Variants in EDIL3 observed in about 807,000 individuals in gnomAD.
The protein encoded by EDIL3 is EGF like and discoidin domains 3, also known as EGF-like repeat and discoidin I-like domain-containing protein 3.
Under a neutral mutation model 67.4 loss-of-function variants are expected in EDIL3, and 37 were observed. That is an observed-to-expected ratio of 0.55 (90% CI 0.42 to 0.72). EDIL3 has a LOEUF of 0.72. Ranked by LOEUF, EDIL3 falls within the 30% of genes least tolerant of loss-of-function variation. The pLI is 0.00. For missense variants in EDIL3, 527 were observed against 586.3 expected, an observed-to-expected ratio of 0.90 and a Z score of 1.04; for synonymous variants, 195 against 196.3, an observed-to-expected ratio of 0.99 and a Z score of 0.05.
At chr5:84,064,275 G>C (rs1746594493) in intron 8 of EDIL3, among the ~76,000 whole-genome samples, 1 of 152,116 alleles carries the variant, frequency 6.6e-6, no homozygotes, top group South Asian at 2.1e-4. Flanking sequence ...TCTTATGATA[G>C]ATGGACAAAG....
At chr5:84,340,925 T>C (rs1747098159) in intron 1 of EDIL3, among the ~76,000 whole-genome samples, 1 of 151,774 alleles carries the variant, frequency 6.6e-6, no homozygotes, top group Non-Finnish European at 1.5e-5. Context: ...TCAACTCCAA[T>C]CCAAACTCCT....
At chr5:84,229,167 C>T (rs1484339856) in intron 3 of EDIL3, among the ~76,000 whole-genome samples, 1 of 151,948 alleles carries the variant, frequency 6.6e-6, no homozygotes, top group African/African-American at 2.4e-5. Context: ...TCTTTAGTCT[C>T]TCTGGCATTT....
At chr5:84,314,298 T>G (rs1299946950) in intron 1 of EDIL3, among the ~76,000 whole-genome samples, 1 of 152,158 alleles carries the variant, frequency 6.6e-6, no homozygotes, top group Non-Finnish European at 1.5e-5. Flanking sequence ...GAGAAGAGGG[T>G]AGGAACAGCA....
chr5:83,998,376 T>C (rs1002378340), intron 9 of EDIL3, among the ~76,000 whole-genome samples: 1 of 152,178 alleles, frequency 6.6e-6, no homozygotes, highest in Admixed American at 6.5e-5. Context: ...GAAGCAGTTC[T>C]GGCAGGATTT....
chr5:84,217,147 A>G (rs1221619128), intron 3 of EDIL3, among the ~76,000 whole-genome samples: 1 of 152,118 alleles, frequency 6.6e-6, no homozygotes. Context: ...AGCCAAAAAA[A>G]AAAAAAAAAA....
intron 4 of EDIL3, among the ~76,000 whole-genome samples, chr5:84,153,699 G>A (rs981287828): frequency 6.6e-6 from 1 of 152,144 alleles, no homozygotes; most frequent in South Asian, 2.1e-4. Context: ...CTGACCTCAG[G>A]AGGTCCACCC....
chr5:84,346,246 C>T (rs911487807), intron 1 of EDIL3, among the ~76,000 whole-genome samples: 1 of 149,208 alleles, frequency 6.7e-6, no homozygotes, highest in Non-Finnish European at 1.5e-5. Flanking sequence ...CGGGTTCAAG[C>T]GATTCCCCTG....
intron 9 of EDIL3, among the ~76,000 whole-genome samples, chr5:83,973,463 T>C (rs1325561262): frequency 6.6e-6 from 1 of 152,046 alleles, no homozygotes; most frequent in East Asian, 1.9e-4. Flanking sequence ...AAAGAGTTTG[T>C]TATTTAGTAT....
intron 2 of EDIL3, among the ~76,000 whole-genome samples, chr5:84,243,783 T>C (rs563925063): frequency 1.4e-3 from 209 of 152,258 alleles, no homozygotes; most frequent in Middle Eastern, 3.4e-3. Flanking sequence ...AAGATAACAA[T>C]AAATATTGAT....
intron 3 of EDIL3, among the ~76,000 whole-genome samples, chr5:84,212,832 A>G (rs1744155997): frequency 6.6e-6 from 1 of 152,142 alleles, no homozygotes; most frequent in Admixed American, 6.5e-5. Context: ...GGTTTCATGG[A>G]GGGAAAGGAA....
At chr5:84,152,797 T>C (rs1485217284) in intron 4 of EDIL3, among the ~76,000 whole-genome samples, 1 of 152,204 alleles carries the variant, frequency 6.6e-6, no homozygotes, top group African/African-American at 2.4e-5. Context: ...CTTCCCAAAC[T>C]ATAATCCATC....
At chr5:84,316,451 G>A (rs528363441) in intron 1 of EDIL3, among the ~76,000 whole-genome samples, 1 of 152,102 alleles carries the variant, frequency 6.6e-6, no homozygotes, top group Non-Finnish European at 1.5e-5. Context: ...AAAAGCGGGG[G>A]TTGCAATCCT....
At chr5:84,215,257 A>AT (rs967418029) in intron 3 of EDIL3, among the ~76,000 whole-genome samples, 54 of 148,132 alleles carry the variant, frequency 3.6e-4, no homozygotes, top group African/African-American at 3.7e-4. Context: ...AGATGAGCAG[A>AT]TTTTTTTTTT....
chr5:84,165,373 C>T (rs748197947), intron 4 of EDIL3, among the ~76,000 whole-genome samples: 4 of 152,104 alleles, frequency 2.6e-5, no homozygotes, highest in Non-Finnish European at 4.4e-5. Context: ...ATCTCATCTA[C>T]GACAAAACCA....
intron 2 of EDIL3, among the ~76,000 whole-genome samples, chr5:84,248,865 T>C (rs1361905206): frequency 6.6e-6 from 1 of 152,208 alleles, no homozygotes; most frequent in African/African-American, 2.4e-5. Context: ...AGTTACCACA[T>C]TGACAGAAGC....
chr5:84,335,865 G>A (rs1693358377), intron 1 of EDIL3, among the ~76,000 whole-genome samples: 1 of 152,180 alleles, frequency 6.6e-6, no homozygotes, highest in Non-Finnish European at 1.5e-5. Flanking sequence ...CCAAGATCAA[G>A]ATGTCAGCAT....
chr5:84,242,272 T>C (rs1170892612), intron 2 of EDIL3, among the ~76,000 whole-genome samples: 1 of 151,824 alleles, frequency 6.6e-6, no homozygotes, highest in East Asian at 1.9e-4. Flanking sequence ...TTGAAGTTGG[T>C]ACTGTTAACC....
At chr5:84,173,735 C>A (rs1354409738) in intron 4 of EDIL3, among the ~76,000 whole-genome samples, 2 of 152,194 alleles carry the variant, frequency 1.3e-5, no homozygotes, top group Non-Finnish European at 2.9e-5. Flanking sequence ...GGAGACGGGG[C>A]CATCCCCCTC....
At chr5:84,260,623 ATATTAATG>A (rs1441908700) in intron 1 of EDIL3, among the ~76,000 whole-genome samples, 2 of 152,180 alleles carry the variant, frequency 1.3e-5, no homozygotes. Context: ...TCTTTCTTAC[ATATTAATG>A]TATTTACATA....
Sources: allele counts gnomAD v4.1 joint callset (sites outside exome capture counted in the v4.1 genomes callset), GRCh38; gene constraint gnomAD v4.1.1; transcripts MANE v1.5; gene names NCBI Gene and HGNC (gene_info 2026-07-23, HGNC 2026-07-21).